Variants in CCDC150 observed in about 807,000 individuals in gnomAD.
The protein encoded by CCDC150 is coiled-coil domain-containing protein 150.
Under a neutral mutation model 156.5 loss-of-function variants are expected in CCDC150, and 151 were observed. The observed-to-expected ratio is 0.97, with a 90% CI of 0.85 to 1.10. The LOEUF (loss-of-function observed/expected upper bound fraction) is 1.10, where lower values mean the gene tolerates loss of function less well. Ranked by LOEUF, CCDC150 falls within the 50% of genes least tolerant of loss-of-function variation. The pLI is 0.00. For missense variants in CCDC150, 1,312 were observed against 1,268.1 expected, an observed-to-expected ratio of 1.03 and a Z score of -0.53; for synonymous variants, 452 against 429.4, an observed-to-expected ratio of 1.05 and a Z score of -0.65.
At chr2:196,694,061 T>C (rs1322167096) in intron 13 of CCDC150, among the ~76,000 whole-genome samples, 2 of 148,850 alleles carry the variant, frequency 1.3e-5, no homozygotes, top group African/African-American at 4.9e-5. Context: ...GATTTTTTTT[T>C]TTTTTTTTTT....
At chr2:196,660,905 T>C (rs1239734409) in intron 5 of CCDC150, among the ~76,000 whole-genome samples, 6 of 152,352 alleles carry the variant, frequency 3.9e-5, no homozygotes, top group South Asian at 4.1e-4. Flanking sequence ...TGTATCATCT[T>C]CTAAGAGATT....
chr2:196,710,050 C>T (rs1696988604), intron 15 of CCDC150, among the ~76,000 whole-genome samples: 1 of 152,268 alleles, frequency 6.6e-6, no homozygotes, highest in Non-Finnish European at 1.5e-5. Context: ...TCAGAGCTGT[C>T]AGACAGGGAC....
chr2:196,645,124 G>A (rs1692459261), intron 1 of CCDC150, among the ~76,000 whole-genome samples: 1 of 151,742 alleles, frequency 6.6e-6, no homozygotes, highest in African/African-American at 2.4e-5. Context: ...ACTCTGCCTC[G>A]AAAAAGAAAA....
rs536922893 is a variant in CCDC150 at position 196,692,523 on chromosome 2, T to C, written c.1510-2523T>C. Among the ~76,000 whole-genome samples, 12 of 152,354 alleles carry C rather than the reference T, an allele frequency of 7.9e-5. No homozygotes were observed. In the South Asian group the frequency reaches 2.3e-3, roughly 29 times the overall value. ...GTGTCCCAGAGATTCAGGTATGTTATCTCTTTTTTCTCATTAGTTTTAAAT... is the reference window on the plus strand; with the variant it reads ...GTGTCCCAGAGATTCAGGTATGTTACCTCTTTTTTCTCATTAGTTTTAAAT... On this transcript the variant is annotated intron_variant, in intron 13 of 27. Coordinates refer to ENST00000389175, the MANE Select transcript of CCDC150 (RefSeq NM_001080539.2).
At chr2:196,702,055 C>T (rs1028048201) in intron 15 of CCDC150, among the ~76,000 whole-genome samples, 3 of 151,988 alleles carry the variant, frequency 2.0e-5, no homozygotes, top group African/African-American at 7.2e-5. Flanking sequence ...TATAGCAAGA[C>T]CCTGACTCTA....
At chr2:196,641,773 A>G (rs1692246963) in intron 1 of CCDC150, among the ~76,000 whole-genome samples, 1 of 151,702 alleles carries the variant, frequency 6.6e-6, no homozygotes, top group South Asian at 2.1e-4. Context: ...CAGTGTTACC[A>G]TATTATTTTC....
intron 1 of CCDC150, among the ~76,000 whole-genome samples, chr2:196,643,189 TTG>T (rs1466410767): frequency 6.6e-6 from 1 of 152,226 alleles, no homozygotes; most frequent in Non-Finnish European, 1.5e-5. Flanking sequence ...CTCAAAAGCT[TTG>T]TGCCCTGCCA....
chr2:196,661,060 T>C (rs1693529200), intron 5 of CCDC150, among the ~76,000 whole-genome samples: 1 of 152,254 alleles, frequency 6.6e-6, no homozygotes, highest in African/African-American at 2.4e-5. Flanking sequence ...AGACAATCCT[T>C]TCTCCTTTGG....
intron 5 of CCDC150, among the ~76,000 whole-genome samples, chr2:196,663,836 A>T (rs1347087016): frequency 6.6e-6 from 1 of 152,138 alleles, no homozygotes; most frequent in African/African-American, 2.4e-5. Flanking sequence ...TCTTAATGTC[A>T]TCTACGCTGG....
chr2:196,713,524 T>A, intron 17 of CCDC150: 1 of 1,550,588 alleles, frequency 6.4e-7, no homozygotes, highest in Non-Finnish European at 8.7e-7. Context: ...ACCTGCCTTC[T>A]ATGAAAACAT....
chr2:196,674,553 A>G (rs556733659), intron 10 of CCDC150, among the ~76,000 whole-genome samples: 1 of 152,200 alleles, frequency 6.6e-6, no homozygotes, highest in African/African-American at 2.4e-5. Context: ...TTCTTCTCAA[A>G]TATCATCACT....
rs139870120 is a variant in CCDC150, at chr2:196,723,931, C to T, written c.2430-2042C>T. 1.9e-3 allele frequency among the ~76,000 whole-genome samples: 287 copies of T among 152,314 alleles called. 1 individual carries two copies. Among genetic ancestry groups the T allele is most frequent in the Middle Eastern group, 6.8e-3 (2 of 294 alleles). On this transcript the variant is annotated intron_variant, in intron 21 of 27. Coordinates refer to ENST00000389175, the MANE Select transcript of CCDC150 (RefSeq NM_001080539.2). ...AACATGAAGAAAAGTTATTCTGCTG[C>T]TGCCCTGTTTTTAGAATGGGAGGAA...
At chr2:196,706,326 T>C (rs531475829) in intron 15 of CCDC150, among the ~76,000 whole-genome samples, 30 of 152,152 alleles carry the variant, frequency 2.0e-4, no homozygotes, top group Non-Finnish European at 3.5e-4. Flanking sequence ...TTGTTATTGG[T>C]GTATAGGAAT....
At chr2:196,692,480 C>G (rs1575852863) in intron 13 of CCDC150, among the ~76,000 whole-genome samples, 1 of 152,332 alleles carries the variant, frequency 6.6e-6, no homozygotes, top group South Asian at 2.1e-4. Context: ...ACATTTTCCT[C>G]TTCATAGTGC....
chr2:196,640,558 T>A (rs1260345356), intron 1 of CCDC150, among the ~76,000 whole-genome samples: 3 of 152,362 alleles, frequency 2.0e-5, no homozygotes, highest in Non-Finnish European at 2.9e-5. Context: ...ATGTTTTAAA[T>A]TTGACATTTT....
At chr2:196,724,117 G>A (rs1450080718) in intron 21 of CCDC150, among the ~76,000 whole-genome samples, 1 of 152,186 alleles carries the variant, frequency 6.6e-6, no homozygotes, top group African/African-American at 2.4e-5. Flanking sequence ...TGTTAAGGAG[G>A]CTGATTGGTA....
chr2:196,649,395 T>C (rs1163738053), intron 2 of CCDC150, among the ~76,000 whole-genome samples: 2 of 152,220 alleles, frequency 1.3e-5, no homozygotes, highest in Non-Finnish European at 2.9e-5. Flanking sequence ...GGTGATGTCA[T>C]AGCTATGGTA....
intron 13 of CCDC150, among the ~76,000 whole-genome samples, chr2:196,691,134 A>G (rs929459683): frequency 1.3e-5 from 2 of 152,178 alleles, no homozygotes; most frequent in Admixed American, 6.5e-5. Context: ...TTTTGCATCA[A>G]TGTTCATCAA....
intron 13 of CCDC150, among the ~76,000 whole-genome samples, chr2:196,684,865 T>G (rs1462125385): frequency 2.0e-5 from 3 of 152,104 alleles, no homozygotes; most frequent in Non-Finnish European, 4.4e-5. Flanking sequence ...TTCTAGCTCT[T>G]TTTAGATTAC....
Sources: allele counts gnomAD v4.1 joint callset (sites outside exome capture counted in the v4.1 genomes callset), GRCh38; gene constraint gnomAD v4.1.1; transcripts MANE v1.5; gene names NCBI Gene and HGNC (gene_info 2026-07-23, HGNC 2026-07-21).